The following SV2C variants were observed in gnomAD, a reference collection of about 807,000 sequenced individuals.
SV2C encodes solute carrier family 22 member B3.
SV2C carries 49 observed loss-of-function variants against 79.7 expected under a neutral mutation model. The ratio of observed to expected loss-of-function variants is 0.61; its 90% CI spans 0.49 to 0.78. The LOEUF (loss-of-function observed/expected upper bound fraction) is 0.78. Among genes scored for constraint, SV2C ranks in the 30% least tolerant of loss-of-function variants. SV2C has a pLI of 0.00. For synonymous variants in SV2C, 334 were observed against 333.2 expected, an observed-to-expected ratio of 1.00 and a Z score of -0.03; for missense variants, 833 against 912.9, an observed-to-expected ratio of 0.91 and a Z score of 1.13.
rs896796277 is a variant in SV2C at position 76,332,751 on chromosome 5, C to G, written c.*7204C>G. On this transcript the variant is annotated 3_prime_UTR_variant, in exon 13 of 13. Coordinates refer to ENST00000502798, the MANE Select transcript of SV2C (RefSeq NM_014979.4). ...ACAAAGCCATGCAAATCAGACTCCT[C>G]CTAACCCCTAAGACAGTTGTTAAAC... The G allele has an allele frequency of 6.6e-6, 1 of 152,204 alleles. No individual in the cohort carries two copies. The highest frequency in any genetic ancestry group is 1.5e-5 in the Non-Finnish European group (1 of 68,052). 9.4% of individuals were successfully genotyped at this position (152,204 alleles called of 1,614,324 possible).
chr5:76,059,487 C>CTT, the SV2C span, among the ~76,000 whole-genome samples: 29,640 of 149,080 alleles, frequency 0.2, 3,281 homozygotes, highest in East Asian at 0.46. Flanking sequence ...TGAAGAAATC[C>CTT]TTTTTTTTTT....
chr5:76,042,584 T>C, the SV2C span, among the ~76,000 whole-genome samples: 1 of 152,234 alleles, frequency 6.6e-6, no homozygotes, highest in East Asian at 1.9e-4. Context: ...TGTCCTCATC[T>C]CTTGTCTGTC....
the SV2C span, among the ~76,000 whole-genome samples, chr5:75,952,074 T>G: frequency 6.6e-6 from 1 of 151,930 alleles, no homozygotes; most frequent in South Asian, 2.1e-4. Context: ...TTTATTATAA[T>G]CCAAGGAGTT....
the SV2C span, among the ~76,000 whole-genome samples, chr5:76,042,616 C>T: frequency 6.6e-6 from 1 of 152,324 alleles, no homozygotes; most frequent in African/African-American, 2.4e-5. Context: ...TTTCTTGTTT[C>T]TGCCAAGTAA....
At chr5:76,288,126 A>C (rs976793252) in intron 6 of SV2C, among the ~76,000 whole-genome samples, 1 of 152,088 alleles carries the variant, frequency 6.6e-6, no homozygotes, top group African/African-American at 2.4e-5. Flanking sequence ...TTTTGTCTAC[A>C]GTAGGTTGGA....
chr5:76,048,951 G>GAGAAAGAAAA, the SV2C span, among the ~76,000 whole-genome samples: 2 of 113,724 alleles, frequency 1.8e-5, no homozygotes, highest in African/African-American at 7.1e-5. Flanking sequence ...GAAAGAAAGA[G>GAGAAAGAAAA]AGAGAAAGAA....
intron 12 of SV2C, among the ~76,000 whole-genome samples, chr5:76,307,126 T>C (rs1321918437): frequency 6.6e-6 from 1 of 152,242 alleles, no homozygotes; most frequent in East Asian, 1.9e-4. Flanking sequence ...CTTGAATCTG[T>C]AGGTTTACAG....
chr5:75,970,031 G>A, the SV2C span, among the ~76,000 whole-genome samples: 14 of 152,132 alleles, frequency 9.2e-5, no homozygotes, highest in South Asian at 2.1e-4. Context: ...ACTCAAAACC[G>A]CTCATCTACA....
the SV2C span, among the ~76,000 whole-genome samples, chr5:76,016,084 A>C: frequency 2.5e-4 from 38 of 152,030 alleles, no homozygotes; most frequent in African/African-American, 8.4e-4. Flanking sequence ...GATATAATTA[A>C]GACTAGTCTC....
At chr5:76,014,201 A>G in the SV2C span, among the ~76,000 whole-genome samples, 2 of 151,330 alleles carry the variant, frequency 1.3e-5, no homozygotes, top group Non-Finnish European at 2.9e-5. Context: ...GGAAAGAGAA[A>G]GAAAGAAAGG....
At chr5:75,921,109 C>T in the SV2C span, 4 of 810,238 alleles carry the variant, frequency 4.9e-6, no homozygotes, top group Non-Finnish European at 8.3e-6. Context: ...GGGCATTGTG[C>T]ACGGAGTTGG....
chr5:76,073,076 T>G, the SV2C span, among the ~76,000 whole-genome samples: 1 of 152,218 alleles, frequency 6.6e-6, no homozygotes, highest in Admixed American at 6.5e-5. Context: ...TTCTTTTGCT[T>G]TGCAGAAGCT....
At chr5:75,988,186 C>T in the SV2C span, among the ~76,000 whole-genome samples, 2 of 151,768 alleles carry the variant, frequency 1.3e-5, no homozygotes, top group African/African-American at 4.8e-5. Flanking sequence ...TCATTTTTTC[C>T]TATTTAACAT....
intron 9 of SV2C, among the ~76,000 whole-genome samples, chr5:76,297,220 A>G (rs554117700): frequency 6.6e-6 from 1 of 152,316 alleles, no homozygotes; most frequent in South Asian, 2.1e-4. Flanking sequence ...TTGAAATACC[A>G]TTAACGAAAT....
At chr5:76,070,913 A>T in the SV2C span, among the ~76,000 whole-genome samples, 2 of 152,178 alleles carry the variant, frequency 1.3e-5, no homozygotes, top group East Asian at 3.9e-4. Context: ...CATTTTCAGG[A>T]AGTCTTCGGA....
chr5:76,042,434 C>T, the SV2C span, among the ~76,000 whole-genome samples: 1 of 152,220 alleles, frequency 6.6e-6, no homozygotes, highest in African/African-American at 2.4e-5. Flanking sequence ...CAGTACCTGA[C>T]ACATCAGAAA....
the SV2C span, among the ~76,000 whole-genome samples, chr5:75,936,930 T>C: frequency 2.0e-5 from 3 of 152,142 alleles, no homozygotes; most frequent in Non-Finnish European, 4.4e-5. Flanking sequence ...GTGGGAGACA[T>C]AAAAATGGCC....
the SV2C span, among the ~76,000 whole-genome samples, chr5:76,059,415 G>A: frequency 2.6e-5 from 4 of 151,948 alleles, no homozygotes; most frequent in East Asian, 3.9e-4. Context: ...ATGTCCTATC[G>A]TAAATCCTTT....
chr5:76,237,052 T>C (rs1001580673), intron 4 of SV2C, among the ~76,000 whole-genome samples: 2 of 152,208 alleles, frequency 1.3e-5, no homozygotes, highest in Non-Finnish European at 2.9e-5. Flanking sequence ...TCAATCATGA[T>C]TGTAAGCTTC....
Sources: allele counts gnomAD v4.1 joint callset (sites outside exome capture counted in the v4.1 genomes callset), GRCh38; gene constraint gnomAD v4.1.1; transcripts MANE v1.5; gene names NCBI Gene and HGNC (gene_info 2026-07-23, HGNC 2026-07-21).